DPP6: variants seen among roughly 807,000 people sequenced by gnomAD.
DPP6 encodes the protein A-type potassium channel modulatory protein DPP6.
Under a neutral mutation model 122.6 loss-of-function variants are expected in DPP6, and 69 were observed. The ratio of observed to expected loss-of-function variants is 0.56; its 90% CI spans 0.46 to 0.69. DPP6 has a LOEUF of 0.69. Among genes scored for constraint, DPP6 ranks in the 30% least tolerant of loss-of-function variants. DPP6 has a pLI of 0.00. For missense variants in DPP6, 928 were observed against 1,116.9 expected (o/e 0.83, Z 2.41); for synonymous variants, 418 against 433.1 (o/e 0.97, Z 0.43).
intron 16 of DPP6, among the ~76,000 whole-genome samples, chr7:154,832,472 G>T (rs553325922): frequency 6.6e-6 from 1 of 152,178 alleles, no homozygotes; most frequent in Non-Finnish European, 1.5e-5. Flanking sequence ...CCTGGAAGCT[G>T]CTGGAAGCCC....
At chr7:154,778,190 G>A (rs1243289944) in intron 10 of DPP6, among the ~76,000 whole-genome samples, 1 of 152,116 alleles carries the variant, frequency 6.6e-6, no homozygotes, top group African/African-American at 2.4e-5. Context: ...ATAAGCTACA[G>A]GATAGAAACA....
At chr7:154,431,285 C>T (rs888507884) in intron 1 of DPP6, among the ~76,000 whole-genome samples, 1 of 152,030 alleles carries the variant, frequency 6.6e-6, no homozygotes, top group African/African-American at 2.4e-5. Flanking sequence ...TCCAGCAAGC[C>T]TAGACCCACC....
intron 1 of DPP6, among the ~76,000 whole-genome samples, chr7:153,981,596 T>C (rs1362725061): frequency 6.6e-6 from 1 of 152,240 alleles, no homozygotes; most frequent in Non-Finnish European, 1.5e-5. Context: ...TGATGGTAGC[T>C]GGTTACTTTG....
intron 7 of DPP6, among the ~76,000 whole-genome samples, chr7:154,671,154 G>A (rs570266563): frequency 7.9e-5 from 12 of 152,292 alleles, no homozygotes; most frequent in South Asian, 2.1e-4. Flanking sequence ...GGACTGATGC[G>A]CAACTGAATC....
chr7:153,880,416 A>C, the DPP6 span, among the ~76,000 whole-genome samples: 4 of 152,238 alleles, frequency 2.6e-5, no homozygotes, highest in Non-Finnish European at 5.9e-5. Context: ...TTTCTGTATA[A>C]AGATATTCTC....
chr7:154,430,905 GTT>G (rs1491455452), intron 1 of DPP6, among the ~76,000 whole-genome samples: 113 of 29,312 alleles, frequency 3.9e-3, no homozygotes, highest in East Asian at 0.031. Flanking sequence ...CTTTCGTTAA[GTT>G]AAGTCTTCCA....
chr7:154,468,085 C>T (rs763040589), intron 2 of DPP6, among the ~76,000 whole-genome samples: 1 of 152,166 alleles, frequency 6.6e-6, no homozygotes, highest in Non-Finnish European at 1.5e-5. Context: ...TGAAAAGATG[C>T]TCAACATCAT....
Position 154,883,882 on chromosome 7 carries a change from T to TAC in DPP6, c.2134-1749_2134-1748dup, listed in dbSNP as rs146025604. Reference sequence around the variant, plus strand: ...ATGATTACACATGCTCCCACATACATACATGCTCACACACATTACATACAC... The same window carrying TAC: ...ATGATTACACATGCTCCCACATACATACACATGCTCACACACATTACATACAC... On this transcript the variant is annotated intron_variant, in intron 21 of 25. Coordinates refer to ENST00000377770, the MANE Select transcript of DPP6 (RefSeq NM_130797.4). 151 of 84,738 alleles carry TAC rather than the reference T, an allele frequency of 1.8e-3. 1 individual carries two copies. Among genetic ancestry groups the TAC allele is most frequent in the Middle Eastern group, 0.01 (1 of 96 alleles). 5.2% of individuals were successfully genotyped at this position (84,738 alleles called of 1,614,324 possible).
chr7:154,517,204 A>G (rs956346087), intron 3 of DPP6, among the ~76,000 whole-genome samples: 1 of 152,158 alleles, frequency 6.6e-6, no homozygotes, highest in Non-Finnish European at 1.5e-5. Flanking sequence ...CACAGTCAGT[A>G]TTTATTTGGT....
At chr7:154,180,897 G>A (rs1405191190) in intron 1 of DPP6, among the ~76,000 whole-genome samples, 1 of 151,980 alleles carries the variant, frequency 6.6e-6, no homozygotes, top group South Asian at 2.1e-4. Flanking sequence ...ATTTTTATCA[G>A]CCATCAATTA....
chr7:153,812,992 T>G, the DPP6 span, among the ~76,000 whole-genome samples: 1 of 152,182 alleles, frequency 6.6e-6, no homozygotes, highest in Admixed American at 6.5e-5. Flanking sequence ...GCTGGAATCC[T>G]GCATCAGAGT....
At chr7:154,853,639 T>G in intron 16 of DPP6, 141 bp from the exon 17 acceptor site, 2 of 1,205,828 alleles carry the variant, frequency 1.7e-6, no homozygotes, top group African/African-American at 1.5e-5. Flanking sequence ...CATCCCATCA[T>G]TGATTACTCT....
chr7:153,947,498 TAATA>T (rs1016253117), intron 1 of DPP6, among the ~76,000 whole-genome samples: 9 of 152,080 alleles, frequency 5.9e-5, no homozygotes, highest in African/African-American at 1.9e-4. Context: ...CAAAAAATAA[TAATA>T]ATAATAAGAG....
intron 16 of DPP6, among the ~76,000 whole-genome samples, chr7:154,820,024 A>C (rs1799660170): frequency 6.6e-6 from 1 of 152,318 alleles, no homozygotes; most frequent in East Asian, 1.9e-4. Context: ...GGTGGCCACA[A>C]AGCCAAGGCC....
chr7:154,555,479 G>A (rs373535574), intron 4 of DPP6, among the ~76,000 whole-genome samples: 1 of 151,948 alleles, frequency 6.6e-6, no homozygotes, highest in Non-Finnish European at 1.5e-5. Context: ...GGTGGGGGAA[G>A]GGGGGACGGA....
intron 3 of DPP6, among the ~76,000 whole-genome samples, chr7:154,521,366 TG>T (rs1197964675): frequency 7.0e-6 from 1 of 143,064 alleles, no homozygotes; most frequent in Non-Finnish European, 1.6e-5. Context: ...ACAAATAAAT[TG>T]TTTTTTTTTT....
At chr7:154,667,452 G>A (rs1414588408) in intron 6 of DPP6, among the ~76,000 whole-genome samples, 1 of 152,208 alleles carries the variant, frequency 6.6e-6, no homozygotes, top group South Asian at 2.1e-4. Flanking sequence ...TGTTGGCTGG[G>A]CACAGTGGCT....
At chr7:154,630,379 C>T (rs904371705) in intron 5 of DPP6, among the ~76,000 whole-genome samples, 14 of 152,166 alleles carry the variant, frequency 9.2e-5, no homozygotes, top group Non-Finnish European at 1.6e-4. Context: ...AAGGGGCATT[C>T]TCAAGTTACA....
At chr7:154,090,891 C>T (rs1431804886) in intron 1 of DPP6, among the ~76,000 whole-genome samples, 14 of 148,860 alleles carry the variant, frequency 9.4e-5, no homozygotes, top group Non-Finnish European at 1.6e-4. Context: ...GAGGCCGAGG[C>T]GGGCGGATCA....
Sources: gnomAD v4.1 joint callset for allele counts (sites outside exome capture counted in the v4.1 genomes callset) on GRCh38, gnomAD v4.1.1 for gene constraint, MANE v1.5 for transcripts, NCBI Gene and HGNC (gene_info 2026-07-23, HGNC 2026-07-21) for gene names.